Variants in IQUB observed in about 807,000 individuals in gnomAD.
The protein encoded by IQUB is IQ motif and ubiquitin domain containing.
In IQUB, 86 loss-of-function variants were observed where a neutral mutation model predicts 86.4. The observed-to-expected ratio is 1.00, with a 90% CI of 0.84 to 1.19. The LOEUF (loss-of-function observed/expected upper bound fraction) is 1.19. Ranked by LOEUF, IQUB falls within the 50% of genes most tolerant of loss-of-function variation. IQUB has a pLI of 0.00. For missense variants in IQUB, 946 were observed against 916.9 expected, an observed-to-expected ratio of 1.03 and a Z score of -0.41; for synonymous variants, 289 against 304.5, an observed-to-expected ratio of 0.95 and a Z score of 0.53.
At chr7:123,499,653 A>G (rs1397313776) in intron 6 of IQUB, among the ~76,000 whole-genome samples, 1 of 152,330 alleles carries the variant, frequency 6.6e-6, no homozygotes, top group South Asian at 2.1e-4. Context: ...AGAAAAGCCT[A>G]GTAAGGTTCT....
intron 7 of IQUB, among the ~76,000 whole-genome samples, chr7:123,484,188 G>A (rs1795121325): frequency 6.6e-6 from 1 of 151,982 alleles, no homozygotes; most frequent in Admixed American, 6.6e-5. Context: ...GGTCTGTCCA[G>A]CAAGAAGATT....
At chr7:123,460,184 C>T (rs936313557) in intron 11 of IQUB, among the ~76,000 whole-genome samples, 65 of 151,926 alleles carry the variant, frequency 4.3e-4, no homozygotes, top group Non-Finnish European at 1.3e-4. Context: ...CAGTGCTTCC[C>T]TTTCCTCACC....
intron 1 of IQUB, among the ~76,000 whole-genome samples, chr7:123,531,099 T>C (rs1028292951): frequency 2.6e-5 from 4 of 151,986 alleles, no homozygotes; most frequent in African/African-American, 9.7e-5. Context: ...CATAATCAAA[T>C]TGGAAAAAAA....
Position 123,479,907 on chromosome 7 carries a change from G to T in IQUB, c.1298C>A (p.Ala433Asp). 6.2e-7 allele frequency: 1 copy of T among 1,612,970 alleles called. No individual in the cohort carries two copies. Among genetic ancestry groups the T allele is most frequent in the Non-Finnish European group, 8.5e-7 (1 of 1,179,314 alleles). Reference sequence around the variant, plus strand: ...CTCTTTTTCCAGAAGTTCACACAGAGCAGCTTTCCTTTCAGCTCCAGTAAA... The same window carrying T: ...CTCTTTTTCCAGAAGTTCACACAGATCAGCTTTCCTTTCAGCTCCAGTAAA... ...QSFTGAERKA[A>D]LCELLEKETQ... The change falls in exon 8 of 13, where the codon GCT (alanine) becomes GAT (aspartate). Residue 433 changes from alanine to aspartate, a missense_variant. Physicochemically the swap from Ala to Asp is moderately radical, Grantham distance 126. Coordinates refer to ENST00000324698, the MANE Select transcript of IQUB (RefSeq NM_178827.5).
intron 7 of IQUB, among the ~76,000 whole-genome samples, chr7:123,486,894 TTAGAACATTGGTAA>T (rs1208199181): frequency 7.6e-6 from 1 of 132,126 alleles, no homozygotes; most frequent in African/African-American, 2.7e-5. Context: ...ATAAGTGTTA[TTAGAACATTGGTAA>T]ATTGAGAAAA....
chr7:123,508,881 T>G (rs1796301394), intron 3 of IQUB, among the ~76,000 whole-genome samples: 1 of 152,212 alleles, frequency 6.6e-6, no homozygotes, highest in Non-Finnish European at 1.5e-5. Flanking sequence ...TAAATTATAA[T>G]GTAGGCAAAA....
chr7:123,513,789 C>A (rs1033245323), intron 1 of IQUB, among the ~76,000 whole-genome samples: 1 of 152,110 alleles, frequency 6.6e-6, no homozygotes, highest in African/African-American at 2.4e-5. Flanking sequence ...ACTGGGTCTA[C>A]AGGTATGTGC....
At chr7:123,511,583 G>C (rs1230144971) in intron 2 of IQUB, among the ~76,000 whole-genome samples, 1 of 152,098 alleles carries the variant, frequency 6.6e-6, no homozygotes, top group African/African-American at 2.4e-5. Context: ...TGCTATTTAG[G>C]TACAACAATT....
chr7:123,469,187 C>A, intron 9 of IQUB, 27 bp downstream of exon 9: 1 of 1,419,866 alleles, frequency 7.0e-7, no homozygotes, highest in Non-Finnish European at 9.3e-7. Context: ...TGAACTCTAC[C>A]CCCAAACTAA....
intron 1 of IQUB, among the ~76,000 whole-genome samples, chr7:123,525,602 A>G (rs1310104017): frequency 6.6e-6 from 1 of 151,094 alleles, no homozygotes; most frequent in South Asian, 2.1e-4. Context: ...TTTTTTCTTT[A>G]TTCGTCTTGC....
Position 123,479,933 on chromosome 7 carries a change from A to T in IQUB, c.1272T>A (p.Ser424=), listed in dbSNP as rs1386649495. The stretch of plus-strand genomic sequence containing the variant: ...CAGCTTTCCTTTCAGCTCCAGTAAA[A>T]GATTGGTTAATACGTGTAAGTTCTT... ...RQEELTRINQ[S]FTGAERKAAL... The change falls in exon 8 of 13, where the codon TCT becomes TCA. Residue 424 remains serine, a synonymous_variant. Coordinates refer to ENST00000324698, the MANE Select transcript of IQUB (RefSeq NM_178827.5). The T allele has an allele frequency of 6.2e-7, 1 of 1,612,858 alleles. No homozygotes were observed. The highest frequency in any genetic ancestry group is 2.2e-5 in the East Asian group (1 of 44,836).
In IQUB at chr7:123,476,581, T is replaced by C. The variant is rs771050918; in HGVS notation, c.1410+3214A>G. Among the ~76,000 whole-genome samples the C allele has an allele frequency of 8.1e-4, 123 of 151,972 alleles. 1 individual carries two copies. Among genetic ancestry groups the C allele is most frequent in the African/African-American group, 2.8e-3 (118 of 41,442 alleles). On this transcript the variant is annotated intron_variant, in intron 8 of 12. Coordinates refer to ENST00000324698, the MANE Select transcript of IQUB (RefSeq NM_178827.5). The stretch of plus-strand genomic sequence containing the variant: ...TTTAGTGAGGCCACTTTGGCAGTGA[T>C]ATAGATAATGGAGGAGAGAATTGAG...
At chr7:123,469,159 A>ATTT in intron 9 of IQUB, 55 bp downstream of exon 9, 1 of 1,109,306 alleles carries the variant, frequency 9.0e-7, no homozygotes, top group Non-Finnish European at 1.2e-6. Flanking sequence ...TATTTCATTA[A>ATTT]TTTTTTTTTA....
rs1433644448 is a variant in IQUB, at chr7:123,464,121, T to C, written c.1758+712A>G. Among the ~76,000 whole-genome samples the C allele has an allele frequency of 3.9e-5, 6 of 151,954 alleles. No homozygotes were observed. In the East Asian group the frequency reaches 1.2e-3, roughly 29 times the overall value. On this transcript the variant is annotated intron_variant, in intron 10 of 12. Coordinates refer to ENST00000324698, the MANE Select transcript of IQUB (RefSeq NM_178827.5). ...GCTTTTTAAGTAAATTTTAACTGAATATAATCATTGAAATAAAACTATAAT... is the reference window on the plus strand; with the variant it reads ...GCTTTTTAAGTAAATTTTAACTGAACATAATCATTGAAATAAAACTATAAT...
intron 1 of IQUB, chr7:123,532,965 A>T (rs1375602495): frequency 1.3e-5 from 2 of 152,486 alleles, no homozygotes; most frequent in African/African-American, 4.8e-5. Context: ...CCGGCGGGTC[A>T]GGAGGTGACG....
intron 7 of IQUB, among the ~76,000 whole-genome samples, chr7:123,482,990 A>C (rs531690818): frequency 6.6e-6 from 1 of 152,244 alleles, no homozygotes; most frequent in Admixed American, 6.5e-5. Context: ...CACTTTACTC[A>C]TCAGCATGTA....
intron 2 of IQUB, 148 bp from the exon 3 acceptor site, chr7:123,510,183 AATG>A: frequency 1.8e-6 from 1 of 560,582 alleles, no homozygotes; most frequent in East Asian, 2.9e-5. Context: ...GCTGTGCCCC[AATG>A]ATAACAGTTA....
At chr7:123,531,528 T>A (rs2117403303) in intron 1 of IQUB, among the ~76,000 whole-genome samples, 1 of 152,238 alleles carries the variant, frequency 6.6e-6, no homozygotes, top group African/African-American at 2.4e-5. Flanking sequence ...TTTAGTCAAG[T>A]CAGGATTTCT....
chr7:123,469,325 C>G lies in IQUB; in HGVS notation c.1470G>C (p.Gln490His). The change falls in exon 9 of 13, where the codon CAG (glutamine) becomes CAC (histidine). Residue 490 changes from glutamine (Q) to histidine (H), a missense_variant. Coordinates refer to ENST00000324698, the MANE Select transcript of IQUB (RefSeq NM_178827.5). ...GCAGCTCTCTGGCTCTGATGGTGAA[C>G]TGCGTATCCATCTCAATTGTTTTGC... Reference protein sequence around the residue: ...PNGKTIEMDTQFTIRARELQN... With the variant: ...PNGKTIEMDTHFTIRARELQN... 6.2e-7 allele frequency: 1 copy of G among 1,608,588 alleles called. No individual in the cohort carries two copies. The highest frequency in any genetic ancestry group is 1.7e-5 in the Admixed American group (1 of 59,342).
Sources: allele counts gnomAD v4.1 joint callset (sites outside exome capture counted in the v4.1 genomes callset), GRCh38; gene constraint gnomAD v4.1.1; transcripts MANE v1.5; gene names NCBI Gene and HGNC (gene_info 2026-07-23, HGNC 2026-07-21).